MEF2C: variants seen among roughly 807,000 people sequenced by gnomAD.
MEF2C encodes the protein myocyte-specific enhancer factor 2C.
MEF2C carries 6 observed loss-of-function variants against 50.5 expected under a neutral mutation model. The ratio of observed to expected loss-of-function variants is 0.12; its 90% CI spans 0.07 to 0.23. The LOEUF (loss-of-function observed/expected upper bound fraction) is 0.23, where lower values mean the gene tolerates loss of function less well. MEF2C is among the 10% of genes least tolerant of loss of function. The pLI, the probability that MEF2C is intolerant of heterozygous loss-of-function variation, is 1.00. For synonymous variants in MEF2C, 183 were observed against 228.0 expected, an observed-to-expected ratio of 0.80 and a Z score of 1.78; for missense variants, 276 against 605.0, an observed-to-expected ratio of 0.46 and a Z score of 5.70.
chr5:88,725,189 A>G (rs566278790), intron 10 of MEF2C, among the ~76,000 whole-genome samples: 1 of 152,200 alleles, frequency 6.6e-6, no homozygotes, highest in East Asian at 1.9e-4. Flanking sequence ...TTCCCCATGA[A>G]AGATGTAACA....
At chr5:88,877,117 A>G (rs989183846) in intron 1 of MEF2C, among the ~76,000 whole-genome samples, 6 of 152,072 alleles carry the variant, frequency 3.9e-5, no homozygotes, top group African/African-American at 1.4e-4. Context: ...TTAAGAATTA[A>G]TAAAGTCTTT....
At chr5:88,893,189 C>T (rs1393373693) in intron 1 of MEF2C, among the ~76,000 whole-genome samples, 4 of 152,046 alleles carry the variant, frequency 2.6e-5, no homozygotes, top group African/African-American at 9.7e-5. Flanking sequence ...CTGATATTCA[C>T]GCTAACACTA....
At chr5:88,873,465 T>C (rs1196299661) in intron 1 of MEF2C, among the ~76,000 whole-genome samples, 1 of 151,824 alleles carries the variant, frequency 6.6e-6, no homozygotes, top group East Asian at 1.9e-4. Context: ...CAGGAGAGAA[T>C]CCAAAAACAA....
chr5:88,829,853 A>T (rs1304751329), intron 1 of MEF2C, among the ~76,000 whole-genome samples: 1 of 151,970 alleles, frequency 6.6e-6, no homozygotes, highest in Non-Finnish European at 1.5e-5. Flanking sequence ...ACTGGGAAAA[A>T]AATCTTCATT....
intron 3 of MEF2C, among the ~76,000 whole-genome samples, chr5:88,792,188 A>C (rs1794080984): frequency 6.6e-6 from 1 of 152,150 alleles, no homozygotes; most frequent in South Asian, 2.1e-4. Flanking sequence ...AGTAAATTAA[A>C]AATAGTAATA....
chr5:88,806,477 C>G (rs1006008394), intron 2 of MEF2C, among the ~76,000 whole-genome samples: 2 of 152,112 alleles, frequency 1.3e-5, no homozygotes, highest in Non-Finnish European at 2.9e-5. Flanking sequence ...ACTCAGTCAT[C>G]CAAACTAGAA....
chr5:88,739,122 T>A, intron 6 of MEF2C: 2 of 985,360 alleles, frequency 2.0e-6, no homozygotes, highest in Non-Finnish European at 2.4e-6. Context: ...CAGTGAAATG[T>A]CCAGTATTTT....
chr5:88,760,397 C>A (rs975820666), intron 4 of MEF2C, among the ~76,000 whole-genome samples: 1 of 152,182 alleles, frequency 6.6e-6, no homozygotes, highest in Non-Finnish European at 1.5e-5. Flanking sequence ...TTTAAAATCA[C>A]CCCAGCACAC....
At chr5:88,838,633 T>C (rs1816100895) in intron 1 of MEF2C, 1 of 985,204 alleles carries the variant, frequency 1.0e-6, no homozygotes, top group Non-Finnish European at 1.2e-6. Flanking sequence ...CATTTTGCTT[T>C]CCTTCAAAGT....
rs146160998 is a variant in MEF2C, at chr5:88,763,642, A to C, written c.259-2314T>G. ...AAAGTTATCTATAAGACATGTTAAAAATATTCTTTCTTTCTTTTTTTTTTT... is the reference window on the plus strand; with the variant it reads ...AAAGTTATCTATAAGACATGTTAAACATATTCTTTCTTTCTTTTTTTTTTT... On this transcript the variant is annotated intron_variant, in intron 3 of 10. Coordinates refer to ENST00000504921, the MANE Select transcript of MEF2C (RefSeq NM_002397.5). 4.6e-3 allele frequency among the ~76,000 whole-genome samples: 696 copies of C among 152,112 alleles called. 2 individuals are homozygous for C. Among genetic ancestry groups the C allele is most frequent in the African/African-American group, 0.016 (670 of 41,502 alleles).
chr5:88,740,406 G>C, intron 6 of MEF2C: 1 of 985,302 alleles, frequency 1.0e-6, no homozygotes, highest in Non-Finnish European at 1.2e-6. Flanking sequence ...AGTCCATCAA[G>C]TAGGTTTGTG....
At chr5:88,821,877 A>C (rs977075629) in intron 2 of MEF2C, among the ~76,000 whole-genome samples, 2 of 151,906 alleles carry the variant, frequency 1.3e-5, no homozygotes, top group Non-Finnish European at 2.9e-5. Flanking sequence ...AGTTAACAAG[A>C]ATTTATCATA....
chr5:88,766,174 G>A (rs965396073), intron 3 of MEF2C, among the ~76,000 whole-genome samples: 6 of 152,190 alleles, frequency 3.9e-5, no homozygotes, highest in Non-Finnish European at 2.9e-5. Flanking sequence ...CTTGAAATAC[G>A]TACAAACTGA....
At chr5:88,881,984 A>G (rs921286764) in intron 1 of MEF2C, among the ~76,000 whole-genome samples, 5 of 152,190 alleles carry the variant, frequency 3.3e-5, no homozygotes, top group Admixed American at 6.5e-5. Flanking sequence ...ACGCATTCCT[A>G]AAATGTGACA....
At chr5:88,735,013 C>G in intron 6 of MEF2C, 1 of 985,260 alleles carries the variant, frequency 1.0e-6, no homozygotes, top group Non-Finnish European at 1.2e-6. Context: ...GTATAATAAC[C>G]ATTTCTGTTT....
intron 3 of MEF2C, among the ~76,000 whole-genome samples, chr5:88,777,779 G>C (rs1785526249): frequency 6.6e-6 from 1 of 151,628 alleles, no homozygotes; most frequent in Admixed American, 6.6e-5. Flanking sequence ...CAATATGTAG[G>C]TACTATCTAG....
intron 3 of MEF2C, among the ~76,000 whole-genome samples, chr5:88,774,204 A>G (rs565530941): frequency 3.3e-5 from 5 of 152,372 alleles, no homozygotes; most frequent in African/African-American, 4.8e-5. Context: ...TCAAATGGTC[A>G]GAGAACAAAC....
intron 1 of MEF2C, among the ~76,000 whole-genome samples, chr5:88,850,620 G>C (rs1361568991): frequency 2.0e-5 from 3 of 151,960 alleles, no homozygotes; most frequent in African/African-American, 7.2e-5. Flanking sequence ...CTTCAACATG[G>C]AGCAGTAATT....
At chr5:88,785,802 A>T (rs978657555) in intron 3 of MEF2C, among the ~76,000 whole-genome samples, 1 of 152,246 alleles carries the variant, frequency 6.6e-6, no homozygotes, top group Non-Finnish European at 1.5e-5. Flanking sequence ...TCCCTGAAAC[A>T]AAGCCTTGTC....
Sources: gnomAD v4.1 joint callset for allele counts (sites outside exome capture counted in the v4.1 genomes callset) on GRCh38, gnomAD v4.1.1 for gene constraint, MANE v1.5 for transcripts, NCBI Gene and HGNC (gene_info 2026-07-23, HGNC 2026-07-21) for gene names.